The following TLE4 variants were observed in gnomAD, a reference collection of about 807,000 sequenced individuals.
TLE4 encodes transducin-like enhancer protein 4.
In TLE4, 8 loss-of-function variants were observed where a neutral mutation model predicts 92.8. The ratio of observed to expected loss-of-function variants is 0.09; its 90% confidence interval spans 0.05 to 0.16. The LOEUF (loss-of-function observed/expected upper bound fraction) is 0.16, where lower values mean the gene tolerates loss of function less well. Among genes scored for constraint, TLE4 ranks in the 10% least tolerant of loss-of-function variants. TLE4 has a pLI of 1.00. For missense variants in TLE4, 675 were observed against 997.6 expected (o/e 0.68, Z 4.36); for synonymous variants, 371 against 374.1 (o/e 0.99, Z 0.10).
At chr9:79,652,516 C>A in intron 6 of TLE4, 77 bp from the exon 7 acceptor site, 1 of 1,535,360 alleles carries the variant, frequency 6.5e-7, no homozygotes, top group Non-Finnish European at 9.0e-7. Context: ...CCGATTTATG[C>A]CTCCTTTCTG....
At chr9:79,594,060 G>A (rs2043335247) in intron 4 of TLE4, among the ~76,000 whole-genome samples, 1 of 152,180 alleles carries the variant, frequency 6.6e-6, no homozygotes, top group African/African-American at 2.4e-5. Flanking sequence ...TTGGTTCCCA[G>A]GCCCCTGATC....
At chr9:79,695,623 G>A (rs2068066448) in intron 8 of TLE4, among the ~76,000 whole-genome samples, 1 of 152,158 alleles carries the variant, frequency 6.6e-6, no homozygotes, top group African/African-American at 2.4e-5. Flanking sequence ...TGCCTTCATG[G>A]AGCTTCTAGT....
intron 4 of TLE4, among the ~76,000 whole-genome samples, chr9:79,587,715 T>C (rs1458911735): frequency 6.6e-6 from 1 of 152,170 alleles, no homozygotes; most frequent in African/African-American, 2.4e-5. Context: ...GCTGTGTTGC[T>C]TTTTTTGCAG....
intron 8 of TLE4, among the ~76,000 whole-genome samples, chr9:79,668,095 C>T (rs998840873): frequency 6.6e-6 from 1 of 152,246 alleles, no homozygotes; most frequent in African/African-American, 2.4e-5. Flanking sequence ...AGCGTTTCCT[C>T]CTACAGAGGG....
chr9:79,699,379 G>A (rs2069133289), intron 8 of TLE4, among the ~76,000 whole-genome samples: 2 of 152,148 alleles, frequency 1.3e-5, no homozygotes, highest in Admixed American at 1.3e-4. Context: ...ATTAATGTTT[G>A]AGAATTCCTA....
intron 14 of TLE4, among the ~76,000 whole-genome samples, chr9:79,714,726 C>T (rs894039029): frequency 6.6e-5 from 10 of 152,224 alleles, no homozygotes; most frequent in Non-Finnish European, 1.2e-4. Context: ...CACTTGTGGG[C>T]AAGACCAGGT....
At chr9:79,644,060 C>T (rs1207655771) in intron 6 of TLE4, among the ~76,000 whole-genome samples, 1 of 152,114 alleles carries the variant, frequency 6.6e-6, no homozygotes, top group East Asian at 1.9e-4. Flanking sequence ...ACCCAAATCT[C>T]ATCTTGAATT....
chr9:79,708,831 T>C lies in TLE4; in HGVS notation c.1263+45T>C, dbSNP rs781495827. The C allele has an allele frequency of 5.2e-6, 8 of 1,548,998 alleles. 1 individual carries two copies. Among genetic ancestry groups the C allele is most frequent in the East Asian group, 4.7e-5 (2 of 42,788 alleles). ...AAATAATATTTTAGCACACGGAGGA[T>C]TGTCATGCTTGATTGATTGCGACAG... On this transcript the variant is annotated intron_variant, in intron 13 of 19. Transcript: ENST00000376552.
intron 6 of TLE4, among the ~76,000 whole-genome samples, chr9:79,636,452 T>C (rs2055859992): frequency 6.6e-6 from 1 of 152,148 alleles, no homozygotes. Flanking sequence ...CTTATGTTCT[T>C]CATTCAGCTG....
At chr9:79,580,199 C>T (rs915877039) in intron 4 of TLE4, 2 of 152,158 alleles carry the variant, frequency 1.3e-5, no homozygotes, top group African/African-American at 2.4e-5. Context: ...TTACCATGCT[C>T]GACAGCAAAT....
rs150332273 is a variant in TLE4 at position 79,692,526 on chromosome 9, T to A, written c.610-12257T>A. On this transcript the variant is annotated intron_variant, in intron 8 of 19. Transcript: ENST00000376552. ...GAAAGGAAGGGCGGTATGCCTCCAC[T>A]TCATGTAGTTATCTCGTTTAATTGT... is the stretch of plus-strand genomic sequence containing the variant. 2.5e-3 allele frequency among the ~76,000 whole-genome samples: 381 copies of A among 152,336 alleles called. 4 individuals are homozygous for A. The South Asian group carries it at 0.042, about 17-fold the overall frequency.
In TLE4 at chr9:79,701,484, TAAAC is replaced by T. The variant is rs1399986585; in HGVS notation, c.610-3296_610-3293del. 3.3e-5 allele frequency among the ~76,000 whole-genome samples: 5 copies of T among 152,354 alleles called. No homozygotes were observed. In the East Asian group the frequency reaches 7.7e-4, roughly 23 times the overall value. ...TGTTTTGTTTAGAAATTTTTCCTCT[TAAAC>T]AATGTGGAAATAACTTTCAATAGAA... On this transcript the variant is annotated intron_variant, in intron 8 of 19. Transcript: ENST00000376552.
chr9:79,573,262 G>A (rs2131789550), intron 1 of TLE4: 2 of 1,020,694 alleles, frequency 2.0e-6, no homozygotes, highest in South Asian at 4.1e-5. Context: ...CGGGGCGAGC[G>A]GGCGAACGAA....
intron 6 of TLE4, among the ~76,000 whole-genome samples, chr9:79,647,818 C>T (rs1418192112): frequency 6.6e-6 from 1 of 151,496 alleles, no homozygotes; most frequent in African/African-American, 2.4e-5. Flanking sequence ...TGTTAAGTAT[C>T]TTAATGGTAT....
chr9:79,678,597 A>T (rs2063744120), intron 8 of TLE4, among the ~76,000 whole-genome samples: 1 of 148,140 alleles, frequency 6.8e-6, no homozygotes, highest in South Asian at 2.2e-4. Context: ...TAGTTTAAGG[A>T]AGTACTTTAT....
intron 6 of TLE4, among the ~76,000 whole-genome samples, chr9:79,647,883 G>A (rs1213296401): frequency 6.7e-6 from 1 of 149,650 alleles, no homozygotes; most frequent in East Asian, 2.0e-4. Flanking sequence ...CTTTGAGCCG[G>A]GGTGATGAGG....
intron 8 of TLE4, among the ~76,000 whole-genome samples, chr9:79,680,332 C>T (rs1424928559): frequency 2.0e-5 from 3 of 152,096 alleles, no homozygotes; most frequent in Non-Finnish European, 4.4e-5. Context: ...AGGTCCTTCA[C>T]ATCCCTTGTA....
intron 7 of TLE4, 21 bp from the exon 8 acceptor site, chr9:79,654,038 T>C (rs760334122): frequency 7.4e-6 from 12 of 1,613,612 alleles, no homozygotes. Context: ...TCTGCTTGTG[T>C]TGCTGCTGTT....
chr9:79,578,567 C>T (rs1156254980), intron 4 of TLE4, among the ~76,000 whole-genome samples: 1 of 152,096 alleles, frequency 6.6e-6, no homozygotes, highest in Non-Finnish European at 1.5e-5. Flanking sequence ...GGTGTTCTCC[C>T]TCCTACCCTT....
Sources: gnomAD v4.1 joint callset for allele counts (sites outside exome capture counted in the v4.1 genomes callset) on GRCh38, gnomAD v4.1.1 for gene constraint, MANE v1.5 for transcripts, NCBI Gene and HGNC (gene_info 2026-07-23, HGNC 2026-07-21) for gene names.